CTNND2: variants seen among roughly 807,000 people sequenced by gnomAD.
CTNND2 encodes catenin delta-2.
Under a neutral mutation model 144.4 loss-of-function variants are expected in CTNND2, and 22 were observed. The ratio of observed to expected loss-of-function variants is 0.15; its 90% CI spans 0.11 to 0.22. The LOEUF (loss-of-function observed/expected upper bound fraction) is 0.22. Among genes scored for constraint, CTNND2 ranks in the 10% least tolerant of loss-of-function variants. The pLI, the probability that CTNND2 is intolerant of heterozygous loss-of-function variation, is 1.00. For missense variants in CTNND2, 1,353 were observed against 1,618.8 expected, an observed-to-expected ratio of 0.84 and a Z score of 2.82; for synonymous variants, 751 against 695.6, an observed-to-expected ratio of 1.08 and a Z score of -1.25.
chr5:11,657,820 T>C (rs1782994372), intron 2 of CTNND2, among the ~76,000 whole-genome samples: 1 of 152,092 alleles, frequency 6.6e-6, no homozygotes, highest in Admixed American at 6.6e-5. Context: ...AATATATGCA[T>C]GTAACAAAGT....
At chr5:11,525,891 C>T (rs1773198283) in intron 3 of CTNND2, among the ~76,000 whole-genome samples, 1 of 152,150 alleles carries the variant, frequency 6.6e-6, no homozygotes, top group Non-Finnish European at 1.5e-5. Flanking sequence ...AGGTAAATCA[C>T]TATCTTACTT....
intron 2 of CTNND2, among the ~76,000 whole-genome samples, chr5:11,729,309 T>C (rs528603327): frequency 6.6e-6 from 1 of 152,326 alleles, no homozygotes; most frequent in Non-Finnish European, 1.5e-5. Context: ...ATCCCCTATG[T>C]CTTCAGTCTG....
chr5:11,369,374 C>T (rs1007584076), intron 7 of CTNND2, among the ~76,000 whole-genome samples: 6 of 152,174 alleles, frequency 3.9e-5, no homozygotes, highest in East Asian at 3.9e-4. Flanking sequence ...AAAATAATTA[C>T]AAGGCTGAAA....
intron 1 of CTNND2, among the ~76,000 whole-genome samples, chr5:11,877,948 C>G (rs1434342240): frequency 6.6e-6 from 1 of 152,018 alleles, no homozygotes; most frequent in Non-Finnish European, 1.5e-5. Flanking sequence ...TACCAAAGAG[C>G]AGCATGCAAA....
intron 1 of CTNND2, among the ~76,000 whole-genome samples, chr5:11,847,735 C>T (rs1794814633): frequency 6.6e-6 from 1 of 151,884 alleles, no homozygotes; most frequent in Non-Finnish European, 1.5e-5. Context: ...TCACATTATA[C>T]CCCATGAATA....
chr5:11,019,732 T>G (rs1003185038), intron 17 of CTNND2, among the ~76,000 whole-genome samples: 2 of 152,228 alleles, frequency 1.3e-5, no homozygotes, highest in Admixed American at 1.3e-4. Flanking sequence ...ATGTGACAAG[T>G]GATTATAACC....
chr5:11,691,726 C>T (rs1336008659), intron 2 of CTNND2, among the ~76,000 whole-genome samples: 2 of 152,046 alleles, frequency 1.3e-5, no homozygotes, highest in African/African-American at 4.8e-5. Context: ...GCAACACAGT[C>T]GTCCCCTCTC....
chr5:11,312,258 A>T (rs1751051575), intron 9 of CTNND2, among the ~76,000 whole-genome samples: 1 of 150,016 alleles, frequency 6.7e-6, no homozygotes, highest in South Asian at 2.1e-4. Flanking sequence ...CACTCCTCAT[A>T]CATCCTCTCC....
chr5:11,481,715 G>C (rs1410628680), intron 3 of CTNND2, among the ~76,000 whole-genome samples: 1 of 152,116 alleles, frequency 6.6e-6, no homozygotes, highest in Non-Finnish European at 1.5e-5. Context: ...AATTATCTGG[G>C]TGCCTCACAC....
Position 11,018,072 on chromosome 5 carries a change from G to A in CTNND2, c.3000-14C>T. 3.1e-6 allele frequency: 5 copies of A among 1,594,644 alleles called. No individual in the cohort carries two copies. Among genetic ancestry groups the A allele is most frequent in the Non-Finnish European group, 4.3e-6 (5 of 1,162,610 alleles). On this transcript the variant is annotated splice_polypyrimidine_tract_variant and intron_variant, in intron 17 of 21. Coordinates refer to ENST00000304623, the MANE Select transcript of CTNND2 (RefSeq NM_001332.4). Reference sequence around the variant, plus strand: ...TTTGGAGAGTGTCTGATGAAGAAAAGACAGGAAAGGCAAGATGTGAGTGGG... The same window carrying A: ...TTTGGAGAGTGTCTGATGAAGAAAAAACAGGAAAGGCAAGATGTGAGTGGG...
chr5:11,749,579 T>C (rs758574871), intron 1 of CTNND2, among the ~76,000 whole-genome samples: 7 of 152,018 alleles, frequency 4.6e-5, no homozygotes, highest in Non-Finnish European at 8.8e-5. Context: ...AGGAAAATAA[T>C]GTATGAATGA....
intron 1 of CTNND2, among the ~76,000 whole-genome samples, chr5:11,744,676 T>C (rs1209720134): frequency 3.9e-4 from 5 of 12,744 alleles, no homozygotes; most frequent in Admixed American, 2.0e-3. Context: ...GGAGTGTGTG[T>C]GTGTGTGTTT....
chr5:11,424,043 T>A (rs1223017920), intron 3 of CTNND2, among the ~76,000 whole-genome samples: 3 of 152,232 alleles, frequency 2.0e-5, no homozygotes, highest in African/African-American at 7.2e-5. Context: ...TACTGGCCTT[T>A]TGACCATCTG....
chr5:11,362,860 A>G (rs1318771082), intron 8 of CTNND2, among the ~76,000 whole-genome samples: 1 of 152,186 alleles, frequency 6.6e-6, no homozygotes, highest in Non-Finnish European at 1.5e-5. Context: ...CAGATAGTAA[A>G]TATTCTTGGT....
intron 18 of CTNND2, among the ~76,000 whole-genome samples, chr5:10,998,589 T>C (rs1739592318): frequency 6.6e-6 from 1 of 152,194 alleles, no homozygotes; most frequent in South Asian, 2.1e-4. Context: ...TGCTCAACAA[T>C]GCCCAGAAAG....
chr5:11,504,568 C>T (rs907376349), intron 3 of CTNND2, among the ~76,000 whole-genome samples: 1 of 152,164 alleles, frequency 6.6e-6, no homozygotes, highest in Non-Finnish European at 1.5e-5. Context: ...ACGAGGGCTT[C>T]CCACTCCTTC....
intron 9 of CTNND2, among the ~76,000 whole-genome samples, chr5:11,284,983 A>G (rs911697165): frequency 6.6e-6 from 1 of 152,214 alleles, no homozygotes; most frequent in East Asian, 1.9e-4. Flanking sequence ...AGCTTTAGTC[A>G]GGTTCCTATA....
intron 1 of CTNND2, among the ~76,000 whole-genome samples, chr5:11,784,938 T>G (rs1790748400): frequency 6.6e-6 from 1 of 152,232 alleles, no homozygotes; most frequent in South Asian, 2.1e-4. Flanking sequence ...TAACAGGCAT[T>G]GTTTTAAGCC....
rs148324606 is a variant in CTNND2 at position 11,492,365 on chromosome 5, A to C, written c.287+72579T>G. Among the ~76,000 whole-genome samples, 816 of 152,290 alleles carry C rather than the reference A, an allele frequency of 5.4e-3. 12 individuals are homozygous for C. The highest frequency in any genetic ancestry group is 0.019 in the African/African-American group (774 of 41,568). On this transcript the variant is annotated intron_variant, in intron 3 of 21. Coordinates refer to ENST00000304623, the MANE Select transcript of CTNND2 (RefSeq NM_001332.4). The stretch of plus-strand genomic sequence containing the variant: ...TGGTACAAGGAAGGTTTTATTCAGT[A>C]GTGTGGGTGTGTCTTACACATATTT...
Sources: allele counts gnomAD v4.1 joint callset (sites outside exome capture counted in the v4.1 genomes callset), GRCh38; gene constraint gnomAD v4.1.1; transcripts MANE v1.5; gene names NCBI Gene and HGNC (gene_info 2026-07-23, HGNC 2026-07-21).